The following SCHIP1 variants were observed in gnomAD, a reference collection of about 807,000 sequenced individuals.
SCHIP1 encodes schwannomin interacting protein 1.
In SCHIP1, 8 loss-of-function variants were observed where a neutral mutation model predicts 29.7. That is an observed-to-expected ratio of 0.27 (90% CI 0.16 to 0.49). SCHIP1 has a LOEUF of 0.49. Among genes scored for constraint, SCHIP1 ranks in the 20% least tolerant of loss-of-function variants. The probability of loss-of-function intolerance (pLI) is 0.99; values close to 1 mark genes in which losing one functional copy is unlikely to be tolerated. For missense variants in SCHIP1, 193 were observed against 294.6 expected (o/e 0.66, Z 2.52); for synonymous variants, 76 against 94.9 (o/e 0.80, Z 1.16).
At chr3:159,311,262 A>C in the SCHIP1 span, among the ~76,000 whole-genome samples, 1 of 152,172 alleles carries the variant, frequency 6.6e-6, no homozygotes, top group Admixed American at 6.6e-5. Flanking sequence ...GTGTGAAGAA[A>C]CATCTATTTG....
chr3:159,812,434 A>C, the SCHIP1 span, among the ~76,000 whole-genome samples: 1 of 152,252 alleles, frequency 6.6e-6, no homozygotes, highest in Admixed American at 6.5e-5. Flanking sequence ...CTTAATATAC[A>C]TAAATGATAT....
chr3:159,684,451 G>A, the SCHIP1 span, among the ~76,000 whole-genome samples: 3 of 152,036 alleles, frequency 2.0e-5, no homozygotes, highest in African/African-American at 7.2e-5. Flanking sequence ...TCTTTCAGTG[G>A]CATTAACCCT....
the SCHIP1 span, among the ~76,000 whole-genome samples, chr3:159,670,337 A>G: frequency 6.6e-6 from 1 of 152,194 alleles, no homozygotes; most frequent in African/African-American, 2.4e-5. Context: ...GTTGTTTTCA[A>G]TTAGTTATCT....
At chr3:159,882,075 G>A (rs1716497401) in intron 2 of SCHIP1, among the ~76,000 whole-genome samples, 1 of 152,196 alleles carries the variant, frequency 6.6e-6, no homozygotes, top group African/African-American at 2.4e-5. Flanking sequence ...GGCCAGCCCA[G>A]GGCTAGGGAA....
the SCHIP1 span, among the ~76,000 whole-genome samples, chr3:159,494,319 G>A: frequency 1.3e-5 from 2 of 152,150 alleles, no homozygotes; most frequent in African/African-American, 4.8e-5. Flanking sequence ...CCAGGAGCTG[G>A]TTTTTTGAAA....
chr3:159,603,986 A>G, the SCHIP1 span, among the ~76,000 whole-genome samples: 31,201 of 152,058 alleles, frequency 0.21, 8,725 homozygotes, highest in African/African-American at 0.64. Context: ...TAAGCCATGA[A>G]TCGATGAATG....
chr3:159,454,494 T>C, the SCHIP1 span, among the ~76,000 whole-genome samples: 2 of 152,032 alleles, frequency 1.3e-5, no homozygotes, highest in Admixed American at 6.6e-5. Flanking sequence ...CAGAACTCAG[T>C]AAAAAGAGAA....
the SCHIP1 span, among the ~76,000 whole-genome samples, chr3:159,594,281 T>A: frequency 2.0e-5 from 3 of 152,108 alleles, no homozygotes; most frequent in African/African-American, 7.2e-5. Flanking sequence ...CAAGAGAAAA[T>A]CAGCAAGTAA....
the SCHIP1 span, among the ~76,000 whole-genome samples, chr3:159,379,643 G>C: frequency 8.3e-6 from 1 of 120,002 alleles, no homozygotes; most frequent in East Asian, 2.4e-4. Flanking sequence ...ACACCTACAA[G>C]TTCCATAGAC....
the SCHIP1 span, among the ~76,000 whole-genome samples, chr3:159,331,101 T>C: frequency 1.3e-5 from 2 of 152,270 alleles, no homozygotes; most frequent in East Asian, 3.9e-4. Flanking sequence ...TTTGGGAAAG[T>C]GTCCCATAGG....
the SCHIP1 span, among the ~76,000 whole-genome samples, chr3:159,746,097 A>G: frequency 2.0e-5 from 3 of 152,230 alleles, no homozygotes; most frequent in Non-Finnish European, 2.9e-5. Context: ...GTACTATACA[A>G]TTACGTAAAT....
chr3:159,428,218 T>C, the SCHIP1 span, among the ~76,000 whole-genome samples: 1 of 152,054 alleles, frequency 6.6e-6, no homozygotes, highest in South Asian at 2.1e-4. Flanking sequence ...ACTAAAGAGC[T>C]TCTGCACAGC....
chr3:159,491,428 G>A, the SCHIP1 span, among the ~76,000 whole-genome samples: 1 of 152,204 alleles, frequency 6.6e-6, no homozygotes, highest in Non-Finnish European at 1.5e-5. Flanking sequence ...TTTCCAACGG[G>A]TTTAACAAAT....
the SCHIP1 span, among the ~76,000 whole-genome samples, chr3:159,827,137 G>A: frequency 7.2e-5 from 11 of 152,278 alleles, no homozygotes; most frequent in Non-Finnish European, 1.3e-4. Flanking sequence ...TTTTAGAATA[G>A]TGTTTCTTCT....
At chr3:159,437,411 G>A in the SCHIP1 span, among the ~76,000 whole-genome samples, 2 of 152,024 alleles carry the variant, frequency 1.3e-5, no homozygotes, top group African/African-American at 4.8e-5. Flanking sequence ...GGATTTTTGA[G>A]TTCTTCTTTA....
At chr3:159,424,784 C>G in the SCHIP1 span, among the ~76,000 whole-genome samples, 1 of 151,998 alleles carries the variant, frequency 6.6e-6, no homozygotes, top group Non-Finnish European at 1.5e-5. Flanking sequence ...TTAAGGGCAG[C>G]CAGAGAGAAA....
At chr3:159,853,580 A>G in intron 1 of SCHIP1, 1 of 493,064 alleles carries the variant, frequency 2.0e-6, no homozygotes, top group Non-Finnish European at 3.6e-6. Flanking sequence ...TAGTCAGGAA[A>G]AACTAAATGC....
chr3:159,345,334 A>G, the SCHIP1 span, among the ~76,000 whole-genome samples: 10 of 152,286 alleles, frequency 6.6e-5, no homozygotes, highest in African/African-American at 1.4e-4. Flanking sequence ...TTGCATTGAT[A>G]CTAAATATTG....
At chr3:159,499,994 T>TC in the SCHIP1 span, among the ~76,000 whole-genome samples, 1 of 151,950 alleles carries the variant, frequency 6.6e-6, no homozygotes, top group East Asian at 1.9e-4. Context: ...TACATTTTTT[T>TC]TTTTAAAAGT....
Sources: allele counts gnomAD v4.1 joint callset (sites outside exome capture counted in the v4.1 genomes callset), GRCh38; gene constraint gnomAD v4.1.1; transcripts MANE v1.5; gene names NCBI Gene and HGNC (gene_info 2026-07-23, HGNC 2026-07-21).